The following GOLGA4 variants were observed in gnomAD, a reference collection of about 807,000 sequenced individuals.
The protein encoded by GOLGA4 is golgin A4.
GOLGA4 carries 169 observed loss-of-function variants against 265.9 expected under a neutral mutation model. That is an observed-to-expected ratio of 0.64 (90% CI 0.56 to 0.72). The LOEUF (loss-of-function observed/expected upper bound fraction) is 0.72, where lower values mean the gene tolerates loss of function less well. Among genes scored for constraint, GOLGA4 ranks in the 30% least tolerant of loss-of-function variants. GOLGA4 has a pLI of 0.00. For synonymous variants in GOLGA4, 923 were observed against 855.8 expected (o/e 1.08, Z -1.37); for missense variants, 2,482 against 2,483.4 (o/e 1.00, Z 0.01).
chr3:37,289,338 A>G (rs368846286), intron 5 of GOLGA4, 47 bp downstream of exon 5: 3 of 1,156,838 alleles, frequency 2.6e-6, no homozygotes, highest in Admixed American at 1.9e-5. Flanking sequence ...TAAATCTCAT[A>G]TTTATCAGAA....
intron 1 of GOLGA4, among the ~76,000 whole-genome samples, chr3:37,246,015 C>T (rs1276085731): frequency 1.3e-5 from 2 of 152,166 alleles, no homozygotes; most frequent in Non-Finnish European, 2.9e-5. Context: ...CTTTGAATCG[C>T]TTGAACTCAG....
intron 10 of GOLGA4, among the ~76,000 whole-genome samples, chr3:37,313,860 T>C (rs1245085759): frequency 6.6e-5 from 10 of 152,076 alleles, no homozygotes; most frequent in Admixed American, 1.3e-4. Flanking sequence ...AGTGGAGGAG[T>C]GTACTGAATG....
chr3:37,262,670 A>T (rs1479858410), intron 2 of GOLGA4, among the ~76,000 whole-genome samples: 1 of 152,134 alleles, frequency 6.6e-6, no homozygotes, highest in African/African-American at 2.4e-5. Flanking sequence ...TGGGAGGCGG[A>T]GGCAGGTGGA....
intron 17 of GOLGA4, 54 bp from the exon 18 acceptor site, chr3:37,337,089 G>A: frequency 1.8e-6 from 2 of 1,106,012 alleles, no homozygotes; most frequent in Non-Finnish European, 2.7e-6. Flanking sequence ...TTGTTTTACT[G>A]TTTCTTATAG....
chr3:37,302,879 T>TA (rs148505510), intron 10 of GOLGA4: 1 of 152,552 alleles, frequency 6.6e-6, no homozygotes, highest in East Asian at 1.9e-4. Flanking sequence ...GAAACCAGCA[T>TA]AGTATTCAAC....
At chr3:37,363,264 A>G (rs113963527) in intron 23 of GOLGA4, among the ~76,000 whole-genome samples, 2 of 152,344 alleles carry the variant, frequency 1.3e-5, no homozygotes, top group African/African-American at 4.8e-5. Flanking sequence ...AAATGTGAAC[A>G]TTGAAAAACT....
chr3:37,319,410 T>TA (rs1158938668), intron 12 of GOLGA4: 2 of 300,506 alleles, frequency 6.7e-6, no homozygotes, highest in Non-Finnish European at 1.3e-5. Flanking sequence ...TTCTTTTTTT[T>TA]ATGAGAGAGA....
At chr3:37,348,598 T>TA (rs1364835136) in intron 21 of GOLGA4, among the ~76,000 whole-genome samples, 3 of 152,148 alleles carry the variant, frequency 2.0e-5, no homozygotes, top group African/African-American at 7.2e-5. Flanking sequence ...ATAGATAGTT[T>TA]AAAGTTACCT....
chr3:37,340,909 T>C (rs1024989067), intron 20 of GOLGA4, among the ~76,000 whole-genome samples: 2 of 152,218 alleles, frequency 1.3e-5, no homozygotes, highest in African/African-American at 4.8e-5. Flanking sequence ...GGCTCACGCC[T>C]GTAATCCCAG....
At chr3:37,280,946 A>G (rs1003891726) in intron 2 of GOLGA4, among the ~76,000 whole-genome samples, 2 of 152,308 alleles carry the variant, frequency 1.3e-5, no homozygotes, top group Admixed American at 1.3e-4. Flanking sequence ...TGATTTTTCA[A>G]ACTCTAGACT....
chr3:37,262,538 A>AG (rs1360442683), intron 2 of GOLGA4, among the ~76,000 whole-genome samples: 1 of 151,994 alleles, frequency 6.6e-6, no homozygotes, highest in Non-Finnish European at 1.5e-5. Context: ...TGAAAAAAAA[A>AG]TTGATGTAAA....
intron 6 of GOLGA4, 29 bp from the exon 7 acceptor site, chr3:37,296,058 T>A (rs746755083): frequency 3.1e-6 from 5 of 1,608,156 alleles, no homozygotes; most frequent in Non-Finnish European, 4.3e-6. Flanking sequence ...TTTTTTTGAC[T>A]TTTTTCTAAT....
intron 22 of GOLGA4, among the ~76,000 whole-genome samples, chr3:37,356,580 A>G (rs1370327357): frequency 1.3e-5 from 2 of 152,182 alleles, no homozygotes; most frequent in Non-Finnish European, 2.9e-5. Context: ...ACTATAATGT[A>G]TACCATTCAT....
Position 37,323,911 on chromosome 3 carries a change from T to G in GOLGA4, c.2025T>G (p.Thr675=). The change falls in exon 14 of 24, where the codon ACT becomes ACG. Residue 675 remains threonine (T), a synonymous_variant. Coordinates refer to ENST00000361924, the MANE Select transcript of GOLGA4 (RefSeq NM_002078.5). ...QAHIEEMNEK[T]LEKLDVKQTE... ...ACATAGAAGAAATGAATGAAAAGACTTTAGAAAAGCTTGATGTGAAGCAAA... is the reference window on the plus strand; with the variant it reads ...ACATAGAAGAAATGAATGAAAAGACGTTAGAAAAGCTTGATGTGAAGCAAA... The G allele has an allele frequency of 6.2e-7, 1 of 1,613,528 alleles. No individual in the cohort carries two copies. The highest frequency in any genetic ancestry group is 8.5e-7 in the Non-Finnish European group (1 of 1,179,814).
At chr3:37,273,859 T>G (rs1328282309) in intron 2 of GOLGA4, among the ~76,000 whole-genome samples, 2 of 152,194 alleles carry the variant, frequency 1.3e-5, no homozygotes, top group Non-Finnish European at 2.9e-5. Context: ...CCCAGCACTT[T>G]GGGAGGCTGA....
intron 21 of GOLGA4, among the ~76,000 whole-genome samples, chr3:37,349,769 G>C (rs1462182518): frequency 6.6e-6 from 1 of 152,130 alleles, no homozygotes; most frequent in African/African-American, 2.4e-5. Flanking sequence ...AGTATGTTGT[G>C]CTCTTTGTGA....
rs1452657864 is a variant in GOLGA4, at chr3:37,287,195, G to T, written c.525+1134G>T. On this transcript the variant is annotated intron_variant, in intron 4 of 23. Coordinates refer to ENST00000361924, the MANE Select transcript of GOLGA4 (RefSeq NM_002078.5). ...GTCTCTACTAAAAATACAAAAATCA[G>T]CCGGGTGTGGTGACGGGCACCTGTA... is the stretch of plus-strand genomic sequence containing the variant. 2.6e-5 allele frequency among the ~76,000 whole-genome samples: 4 copies of T among 152,286 alleles called. No individual in the cohort carries two copies. In the East Asian group the frequency reaches 7.7e-4, roughly 29 times the overall value.
rs1205495176 is a variant in GOLGA4, at chr3:37,251,442, T to C, written c.120T>C (p.Ser40=). 6.2e-7 allele frequency: 1 copy of C among 1,613,092 alleles called. No homozygotes were observed. The highest frequency in any genetic ancestry group is 2.2e-5 in the East Asian group (1 of 44,862). The part of the protein sequence containing the change: ...STPTRMRSRT[S]SFTEQLDEGT... ...CAACAAGAATGAGGAGCAGGACATC[T>C]TCATTTACAGAGCAACTTGATGAAG... The change falls in exon 2 of 24, where the codon TCT becomes TCC. Residue 40 remains serine, a synonymous_variant. Coordinates refer to ENST00000361924, the MANE Select transcript of GOLGA4 (RefSeq NM_002078.5).
At chr3:37,286,116 T>TAAGA (rs2096847932) in intron 4 of GOLGA4, 55 bp downstream of exon 4, 12 of 762,588 alleles carry the variant, frequency 1.6e-5, no homozygotes, top group Non-Finnish European at 2.7e-5. Context: ...CAGAAAGATC[T>TAAGA]TATATAGTAA....
Sources: allele counts gnomAD v4.1 joint callset (sites outside exome capture counted in the v4.1 genomes callset), GRCh38; gene constraint gnomAD v4.1.1; transcripts MANE v1.5; gene names NCBI Gene and HGNC (gene_info 2026-07-23, HGNC 2026-07-21).